The following TTLL7 variants were observed in gnomAD, a reference collection of about 807,000 sequenced individuals.
TTLL7 encodes tubulin polyglutamylase TTLL7.
A neutral mutation model predicts 120.2 loss-of-function variants in TTLL7; 53 were observed. The ratio of observed to expected loss-of-function variants is 0.44; its 90% CI spans 0.35 to 0.55. The LOEUF is 0.55. Among genes scored for constraint, TTLL7 ranks in the 20% least tolerant of loss-of-function variants. The probability of loss-of-function intolerance (pLI) is 0.00; values close to 1 mark genes in which losing one functional copy is unlikely to be tolerated. For missense variants in TTLL7, 803 were observed against 1,054.7 expected, an observed-to-expected ratio of 0.76 and a Z score of 3.31; for synonymous variants, 353 against 351.7, an observed-to-expected ratio of 1.00 and a Z score of -0.04.
chr1:83,994,278 A>G (rs1447558457), intron 1 of TTLL7, among the ~76,000 whole-genome samples: 1 of 152,176 alleles, frequency 6.6e-6, no homozygotes, highest in Non-Finnish European at 1.5e-5. Flanking sequence ...GCCCTCAGGC[A>G]CATTCATCTG....
At chr1:83,903,410 A>AT (rs1034839184) in intron 18 of TTLL7, among the ~76,000 whole-genome samples, 1 of 151,768 alleles carries the variant, frequency 6.6e-6, no homozygotes, top group Non-Finnish European at 1.5e-5. Context: ...CCTTCCCTCT[A>AT]TTTTTTTATC....
intron 20 of TTLL7, chr1:83,880,153 T>C (rs1041739556): frequency 6.6e-6 from 1 of 152,036 alleles, no homozygotes; most frequent in African/African-American, 2.4e-5. Flanking sequence ...CATATAAAAG[T>C]ATTAATGAAA....
rs867117486 is a variant in TTLL7 at position 83,997,711 on chromosome 1, C to T, written c.-177+1220G>A. ...ACCCTATTGTGGGGTGCAGTTCAGT[C>T]GCACACCTCATGAACTAAGTAACTA... is the stretch of plus-strand genomic sequence containing the variant. On this transcript the variant is annotated intron_variant, in intron 1 of 20. Coordinates refer to ENST00000260505, the MANE Select transcript of TTLL7 (RefSeq NM_024686.6). Among the ~76,000 whole-genome samples the T allele has an allele frequency of 4.6e-5, 7 of 152,164 alleles. No homozygotes were observed. In the South Asian group the frequency reaches 6.2e-4, roughly 14 times the overall value.
intron 1 of TTLL7, among the ~76,000 whole-genome samples, chr1:83,970,813 G>C (rs937817359): frequency 1.3e-5 from 2 of 151,944 alleles, no homozygotes; most frequent in African/African-American, 2.4e-5. Flanking sequence ...AGGAAAAGCA[G>C]CCAATAAAGG....
intron 8 of TTLL7, among the ~76,000 whole-genome samples, chr1:83,935,528 G>A (rs12145258): frequency 0.47 from 71,492 of 151,552 alleles, 18,055 homozygotes; most frequent in Non-Finnish European, 0.57. Flanking sequence ...ACAAAAAGCA[G>A]TAAGGATAGT....
At chr1:83,985,960 T>C (rs1024063643) in intron 1 of TTLL7, among the ~76,000 whole-genome samples, 5 of 152,172 alleles carry the variant, frequency 3.3e-5, no homozygotes, top group Admixed American at 2.6e-4. Context: ...CCAAGGTGGT[T>C]TTATTATGGG....
At chr1:83,995,802 A>C (rs890630007) in intron 1 of TTLL7, among the ~76,000 whole-genome samples, 3 of 152,178 alleles carry the variant, frequency 2.0e-5, no homozygotes, top group African/African-American at 7.2e-5. Flanking sequence ...GCATACGCAC[A>C]AAGATGTTCA....
In TTLL7 at chr1:83,947,271, G is replaced by A; in HGVS notation, c.359C>T (p.Ser120Phe). ...LARNMTKMIK[S>F]RPLDYTFVPR... ...AACAAAGGTATAATCCAGAGGCCGA[G>A]ACTTGATCATTCTGTAAATTGGACA... Residue 120 changes from serine to phenylalanine, a missense_variant, in exon 6 of 21, where the codon TCT (serine) becomes TTT (phenylalanine). Transcript: ENST00000260505. 9 of 1,601,578 alleles carry A rather than the reference G, an allele frequency of 5.6e-6. No homozygotes were observed. Among genetic ancestry groups the A allele is most frequent in the Non-Finnish European group, 7.7e-6 (9 of 1,176,274 alleles).
At chr1:83,966,592 A>G (rs913229382) in intron 1 of TTLL7, among the ~76,000 whole-genome samples, 2 of 152,132 alleles carry the variant, frequency 1.3e-5, no homozygotes, top group African/African-American at 4.8e-5. Flanking sequence ...CATTATGAAA[A>G]GAAGGAAATG....
rs1652947888 is a variant in TTLL7, at chr1:83,866,807, TTA to T, written c.*3153_*3154del. On this transcript the variant is annotated 3_prime_UTR_variant, in exon 21 of 21. Coordinates refer to ENST00000260505, the MANE Select transcript of TTLL7 (RefSeq NM_024686.6). ...GAATAACAATAGTTTCTTCAATAGATTATATAGAGCAAATGGTAACTAATCTA... is the reference window on the plus strand; with the variant it reads ...GAATAACAATAGTTTCTTCAATAGATTATAGAGCAAATGGTAACTAATCTA... 1 of 151,960 alleles carries T rather than the reference TTA, an allele frequency of 6.6e-6. No homozygotes were observed. The highest frequency in any genetic ancestry group is 2.1e-4 in the South Asian group (1 of 4,834). The allele number at this position is 151,960 out of a possible 1,614,324, so 9.4% of individuals were successfully genotyped here.
chr1:83,991,086 G>T (rs1303288630), intron 1 of TTLL7, among the ~76,000 whole-genome samples: 1 of 152,164 alleles, frequency 6.6e-6, no homozygotes, highest in Admixed American at 6.5e-5. Flanking sequence ...AGTGAAATAA[G>T]CCAGTTACAA....
intron 1 of TTLL7, among the ~76,000 whole-genome samples, chr1:83,965,956 C>T (rs759211457): frequency 2.0e-5 from 3 of 152,012 alleles, no homozygotes; most frequent in Non-Finnish European, 4.4e-5. Context: ...TCAAGATTTG[C>T]TATCACATAA....
At chr1:83,971,878 C>A (rs796970521) in intron 1 of TTLL7, among the ~76,000 whole-genome samples, 73 of 152,140 alleles carry the variant, frequency 4.8e-4, no homozygotes, top group African/African-American at 1.5e-3. Context: ...GGATTTAGAT[C>A]ATCTATCTCC....
rs768935652 is a variant in TTLL7 at position 83,947,273 on chromosome 1, C to T, written c.357G>A (p.Lys119=). 6.3e-7 allele frequency: 1 copy of T among 1,598,308 alleles called. No homozygotes were observed. Among genetic ancestry groups the T allele is most frequent in the Non-Finnish European group, 8.5e-7 (1 of 1,175,180 alleles). The part of the protein sequence containing the change: ...FLARNMTKMI[K]SRPLDYTFVP... ...CAAAGGTATAATCCAGAGGCCGAGA[C>T]TTGATCATTCTGTAAATTGGACATA... Residue 119 remains lysine, a synonymous_variant, in exon 6 of 21, where the codon AAG becomes AAA. Transcript: ENST00000260505.
chr1:83,991,583 G>A (rs972695467), intron 1 of TTLL7, among the ~76,000 whole-genome samples: 10 of 152,150 alleles, frequency 6.6e-5, no homozygotes, highest in Non-Finnish European at 1.5e-5. Context: ...ATTTAAGGCT[G>A]CAGTGAACCA....
intron 7 of TTLL7, among the ~76,000 whole-genome samples, chr1:83,939,908 C>A (rs753935129): frequency 2.6e-4 from 40 of 152,208 alleles, no homozygotes; most frequent in Non-Finnish European, 5.3e-4. Context: ...TGGTTTAATT[C>A]TTCCAGTCTT....
At chr1:83,887,367 TC>T in intron 19 of TTLL7, 4 of 436,418 alleles carry the variant, frequency 9.2e-6, no homozygotes, top group Non-Finnish European at 1.6e-5. Flanking sequence ...CATTAGGCCT[TC>T]GGACCAAAGG....
At chr1:83,949,629 A>C (rs1648849566) in intron 4 of TTLL7, 1 of 433,946 alleles carries the variant, frequency 2.3e-6, no homozygotes, top group African/African-American at 2.1e-5. Flanking sequence ...CCCAACCAGA[A>C]GAGGTTTTTT....
intron 14 of TTLL7, among the ~76,000 whole-genome samples, chr1:83,915,449 C>A (rs1200794905): frequency 6.6e-6 from 1 of 152,144 alleles, no homozygotes; most frequent in Non-Finnish European, 1.5e-5. Flanking sequence ...ATGTAGAAAG[C>A]TGAAACTGGA....
Sources: gnomAD v4.1 joint callset for allele counts (sites outside exome capture counted in the v4.1 genomes callset) on GRCh38, gnomAD v4.1.1 for gene constraint, MANE v1.5 for transcripts, NCBI Gene and HGNC (gene_info 2026-07-23, HGNC 2026-07-21) for gene names.